Variants in PIK3C2G observed in about 807,000 individuals in gnomAD.
PIK3C2G encodes the protein phosphatidylinositol 3-kinase C2 domain-containing subunit gamma.
PIK3C2G carries 168 observed loss-of-function variants against 181.1 expected under a neutral mutation model. The ratio of observed to expected loss-of-function variants is 0.93; its 90% confidence interval spans 0.82 to 1.05. PIK3C2G has a LOEUF of 1.05. Among genes scored for constraint, PIK3C2G ranks in the 50% least tolerant of loss-of-function variants. PIK3C2G has a pLI of 0.00. For synonymous variants in PIK3C2G, 573 were observed against 592.2 expected, an observed-to-expected ratio of 0.97 and a Z score of 0.47; for missense variants, 1,869 against 1,732.8, an observed-to-expected ratio of 1.08 and a Z score of -1.40.
In PIK3C2G at chr12:18,324,297, T is replaced by C. The variant is rs376627097; in HGVS notation, c.1209-738T>C. Among the ~76,000 whole-genome samples, 22 of 152,160 alleles carry C rather than the reference T, an allele frequency of 1.4e-4. No individual in the cohort carries two copies. In the South Asian group the frequency reaches 2.5e-3, roughly 17 times the overall value. The stretch of plus-strand genomic sequence containing the variant: ...CTTTCACTGACTTTTACATATTCTA[T>C]GCATTTTGTCTTTGAACTGACAGAG... On this transcript the variant is annotated intron_variant, in intron 7 of 32. Transcript: ENST00000538779.
chr12:18,683,633 T>C, the PIK3C2G span: 26 of 1,383,194 alleles, frequency 1.9e-5, no homozygotes, highest in Non-Finnish European at 2.2e-5. Context: ...TCTCAGATGC[T>C]GTTAGAAAAG....
the PIK3C2G span, among the ~76,000 whole-genome samples, chr12:18,724,883 A>G: frequency 5.3e-5 from 8 of 152,172 alleles, no homozygotes; most frequent in Non-Finnish European, 1.2e-4. Flanking sequence ...GAATAGCAGC[A>G]TAAAATAAAA....
the PIK3C2G span, among the ~76,000 whole-genome samples, chr12:18,706,720 G>A: frequency 2.0e-5 from 3 of 152,178 alleles, no homozygotes; most frequent in Non-Finnish European, 4.4e-5. Flanking sequence ...GGAATCACAA[G>A]TCTTACTGCA....
At chr12:18,641,705 T>G (rs1949847374) in intron 32 of PIK3C2G, among the ~76,000 whole-genome samples, 1 of 151,084 alleles carries the variant, frequency 6.6e-6, no homozygotes, top group Non-Finnish European at 1.5e-5. Context: ...AGGTTGCATC[T>G]GAATTTACTC....
downstream of PIK3C2G, among the ~76,000 whole-genome samples, chr12:18,650,712 CTATATATATATATATA>C (rs1157799425): frequency 0.023 from 332 of 14,556 alleles, 1 homozygote; most frequent in Admixed American, 0.039. Context: ...GTGTATATAT[CTATATATATATATATA>C]TATATATATA....
the PIK3C2G span, among the ~76,000 whole-genome samples, chr12:18,702,818 C>CTTT: frequency 0.073 from 8,468 of 116,498 alleles, 1,395 homozygotes; most frequent in African/African-American, 0.27. Flanking sequence ...GATAAAGTAA[C>CTTT]TTTTTTTTTT....
At chr12:18,283,873 A>C (rs1269928497) in intron 2 of PIK3C2G, among the ~76,000 whole-genome samples, 1 of 152,098 alleles carries the variant, frequency 6.6e-6, no homozygotes, top group Non-Finnish European at 1.5e-5. Context: ...GGCAGTATGG[A>C]ACATAAATCC....
At chr12:18,299,327 A>G (rs1950078055) in intron 5 of PIK3C2G, among the ~76,000 whole-genome samples, 1 of 151,638 alleles carries the variant, frequency 6.6e-6, no homozygotes, top group Non-Finnish European at 1.5e-5. Context: ...TTTCCTTCTT[A>G]ATTTTTTTCC....
chr12:18,288,886 C>T (rs1266813263), intron 3 of PIK3C2G, among the ~76,000 whole-genome samples: 1 of 152,074 alleles, frequency 6.6e-6, no homozygotes, highest in Non-Finnish European at 1.5e-5. Context: ...GATGATTTTC[C>T]AGTGACTTAT....
At chr12:18,700,113 CA>C in the PIK3C2G span, among the ~76,000 whole-genome samples, 78 of 151,582 alleles carry the variant, frequency 5.1e-4, no homozygotes, top group Non-Finnish European at 8.3e-4. Flanking sequence ...TTTTTGGGAA[CA>C]AAAAAATATT....
At chr12:18,276,960 A>C (rs542842604) in intron 1 of PIK3C2G, among the ~76,000 whole-genome samples, 2 of 152,316 alleles carry the variant, frequency 1.3e-5, no homozygotes, top group East Asian at 3.9e-4. Context: ...ATAAGAAAAC[A>C]TCAATTGTTC....
the PIK3C2G span, among the ~76,000 whole-genome samples, chr12:18,709,071 A>G: frequency 9.2e-5 from 14 of 152,254 alleles, no homozygotes; most frequent in Non-Finnish European, 1.9e-4. Context: ...TTGATGTAAT[A>G]TCAAAATAAT....
chr12:18,498,413 C>A (rs1941181505), intron 22 of PIK3C2G, among the ~76,000 whole-genome samples: 1 of 152,124 alleles, frequency 6.6e-6, no homozygotes, highest in African/African-American at 2.4e-5. Context: ...ATTAAAGAGA[C>A]AACAATATCT....
At chr12:18,368,789 C>G (rs998850395) in intron 12 of PIK3C2G, among the ~76,000 whole-genome samples, 1 of 152,142 alleles carries the variant, frequency 6.6e-6, no homozygotes, top group Non-Finnish European at 1.5e-5. Context: ...GTAGGAGAGA[C>G]AGATGTACTT....
chr12:18,520,098 A>C (rs995180710), intron 24 of PIK3C2G, among the ~76,000 whole-genome samples: 1 of 148,708 alleles, frequency 6.7e-6, no homozygotes, highest in African/African-American at 2.5e-5. Context: ...TGTTAGTCTG[A>C]TGGGCTTACC....
chr12:18,563,383 C>G lies in PIK3C2G; in HGVS notation c.3787C>G (p.Leu1263Val). ...ATCTATTTACTTTCTGCAGCTGTAT[C>G]TGATCCAGGTGACACACAGCAACAA... ...GFSKKSSNLY[L>V]IQVTHSNNET... is the part of the protein sequence containing the mutation. The change falls in exon 28 of 33, where the codon CTG becomes GTG. Residue 1263 changes from leucine to valine, a missense_variant. Leu to Val is a conservative substitution (Grantham distance 32, BLOSUM62 1). Coordinates refer to ENST00000538779, the MANE Select transcript of PIK3C2G (RefSeq NM_001288772.2). 1.9e-6 allele frequency: 3 copies of G among 1,610,950 alleles called. No homozygotes were observed. The highest frequency in any genetic ancestry group is 2.5e-6 in the Non-Finnish European group (3 of 1,178,248).
chr12:18,718,017 A>C, the PIK3C2G span, among the ~76,000 whole-genome samples: 1 of 152,070 alleles, frequency 6.6e-6, no homozygotes, highest in South Asian at 2.1e-4. Context: ...TAAACAACCA[A>C]AACTCTATGG....
intron 11 of PIK3C2G, among the ~76,000 whole-genome samples, chr12:18,356,528 T>A (rs1940750443): frequency 6.6e-6 from 1 of 152,032 alleles, no homozygotes; most frequent in African/African-American, 2.4e-5. Context: ...ACGGACAGCT[T>A]AAGTGTCTAA....
chr12:18,602,777 A>G lies in PIK3C2G; in HGVS notation c.4088-6758A>G, dbSNP rs1264641065. 5.3e-5 allele frequency among the ~76,000 whole-genome samples: 8 copies of G among 152,288 alleles called. No homozygotes were observed. The East Asian group carries it at 1.4e-3, about 26-fold the overall frequency. On this transcript the variant is annotated intron_variant, in intron 30 of 32. Transcript: ENST00000538779. ...GAATGAACCCGGAAGAGAGACAACA[A>G]TCACTGCACTTCAGCTCACTGGAAG...
Sources: gnomAD v4.1 joint callset for allele counts (sites outside exome capture counted in the v4.1 genomes callset) on GRCh38, gnomAD v4.1.1 for gene constraint, MANE v1.5 for transcripts, NCBI Gene and HGNC (gene_info 2026-07-23, HGNC 2026-07-21) for gene names.